DPYD: variants seen among roughly 807,000 people sequenced by gnomAD.
DPYD encodes dihydropyrimidine dehydrogenase [NADP(+)].
In DPYD, 109 loss-of-function variants were observed where a neutral mutation model predicts 116.2. The observed-to-expected ratio is 0.94, with a 90% CI of 0.80 to 1.10. The LOEUF (loss-of-function observed/expected upper bound fraction) is 1.10, where lower values mean the gene tolerates loss of function less well. Ranked by LOEUF, DPYD falls within the 50% of genes least tolerant of loss-of-function variation. The pLI, the probability that DPYD is intolerant of heterozygous loss-of-function variation, is 0.00. For synonymous variants in DPYD, 440 were observed against 432.0 expected (o/e 1.02, Z -0.23); for missense variants, 1,302 against 1,254.5 (o/e 1.04, Z -0.57).
At chr1:97,292,349 T>C (rs989251329) in intron 18 of DPYD, among the ~76,000 whole-genome samples, 4 of 152,120 alleles carry the variant, frequency 2.6e-5, no homozygotes, top group East Asian at 3.9e-4. Flanking sequence ...CTTACAATCA[T>C]GTCAGAACGG....
rs61789246 is a variant in DPYD, at chr1:97,584,198, C to T, written c.1128+9020G>A. On this transcript the variant is annotated intron_variant, in intron 10 of 22. Coordinates refer to ENST00000370192, the MANE Select transcript of DPYD (RefSeq NM_000110.4). ...AGCATTTTTTCATGTGTTTTTTGGC[C>T]GCATAAATGTCTTCTTTTGAGAAGT... Among the ~76,000 whole-genome samples, 1,483 of 151,168 alleles carry T rather than the reference C, an allele frequency of 9.8e-3. 14 individuals carry two copies. The highest frequency in any genetic ancestry group is 0.021 in the Middle Eastern group (6 of 292).
Position 97,704,650 on chromosome 1 carries a change from C to A in DPYD, c.484-5103G>T, listed in dbSNP as rs72734012. ...TATTAGGTCCAGTTACTTACAGTATCAAATTCCTAAGAGATTTTTTCTTAG... is the reference window on the plus strand; with the variant it reads ...TATTAGGTCCAGTTACTTACAGTATAAAATTCCTAAGAGATTTTTTCTTAG... On this transcript the variant is annotated intron_variant, in intron 5 of 22. Transcript: ENST00000370192. Among the ~76,000 whole-genome samples, 117 of 152,050 alleles carry A rather than the reference C, an allele frequency of 7.7e-4. 2 individuals carry two copies. The Middle Eastern group carries it at 0.01, about 13-fold the overall frequency.
intron 8 of DPYD, among the ~76,000 whole-genome samples, chr1:97,675,768 T>G (rs924229444): frequency 1.3e-5 from 2 of 149,892 alleles, no homozygotes; most frequent in East Asian, 3.9e-4. Context: ...TTTTTTTTTG[T>G]AGACGGAGTC....
intron 8 of DPYD, among the ~76,000 whole-genome samples, chr1:97,644,184 C>T (rs1206167478): frequency 1.3e-5 from 2 of 152,068 alleles, no homozygotes; most frequent in African/African-American, 4.8e-5. Context: ...CTACTGAGAA[C>T]CACAGAAAAC....
intron 20 of DPYD, among the ~76,000 whole-genome samples, chr1:97,158,304 G>C (rs1427420460): frequency 1.3e-5 from 2 of 151,914 alleles, no homozygotes; most frequent in Non-Finnish European, 2.9e-5. Flanking sequence ...AAACATTTAA[G>C]TCTTCAAATT....
At chr1:97,836,032 AT>A (rs1383692415) in intron 2 of DPYD, among the ~76,000 whole-genome samples, 1 of 152,164 alleles carries the variant, frequency 6.6e-6, no homozygotes, top group African/African-American at 2.4e-5. Flanking sequence ...AGGATAAAAA[AT>A]TTGATGTAAT....
At chr1:97,328,530 ATTTAC>A (rs1668821004) in intron 16 of DPYD, among the ~76,000 whole-genome samples, 1 of 152,138 alleles carries the variant, frequency 6.6e-6, no homozygotes, top group Non-Finnish European at 1.5e-5. Context: ...GAATTTACTC[ATTTAC>A]TTTTCCTTCA....
At chr1:97,872,399 T>A (rs762683783) in intron 2 of DPYD, among the ~76,000 whole-genome samples, 32 of 152,100 alleles carry the variant, frequency 2.1e-4, no homozygotes, top group South Asian at 1.0e-3. Context: ...GTAACAAGGC[T>A]GATGGCTGAC....
At chr1:97,682,625 G>A (rs1249570383) in intron 7 of DPYD, among the ~76,000 whole-genome samples, 1 of 152,104 alleles carries the variant, frequency 6.6e-6, no homozygotes, top group Non-Finnish European at 1.5e-5. Flanking sequence ...GACAACTACA[G>A]CTATCAGGAA....
At chr1:97,085,786 A>G (rs1280091705) in intron 21 of DPYD, among the ~76,000 whole-genome samples, 1 of 152,182 alleles carries the variant, frequency 6.6e-6, no homozygotes, top group Non-Finnish European at 1.5e-5. Flanking sequence ...CAGGGAACCC[A>G]TATTCATTAT....
intron 2 of DPYD, among the ~76,000 whole-genome samples, chr1:97,834,604 T>C (rs1198815275): frequency 6.6e-6 from 1 of 152,022 alleles, no homozygotes. Flanking sequence ...AATATTTAAA[T>C]AAAATGGCAC....
intron 13 of DPYD, among the ~76,000 whole-genome samples, chr1:97,505,543 G>A (rs1468716114): frequency 6.6e-6 from 1 of 151,498 alleles, no homozygotes; most frequent in Admixed American, 6.6e-5. Context: ...TAACATTTTA[G>A]TATTAAGTAA....
chr1:97,182,170 G>A lies in DPYD; in HGVS notation c.2622+10899C>T, dbSNP rs559222839. 4.6e-5 allele frequency among the ~76,000 whole-genome samples: 7 copies of A among 152,236 alleles called. No individual in the cohort carries two copies. In the East Asian group the frequency reaches 7.7e-4, roughly 17 times the overall value. ...TGAGATGATCAGAAGCTCAGAACAA[G>A]ATGGGGCTAACAAATTTTATCCAAC... On this transcript the variant is annotated intron_variant, in intron 20 of 22. Coordinates refer to ENST00000370192, the MANE Select transcript of DPYD (RefSeq NM_000110.4).
chr1:97,544,286 C>G (rs1258745255), intron 12 of DPYD, among the ~76,000 whole-genome samples: 1 of 152,134 alleles, frequency 6.6e-6, no homozygotes, highest in East Asian at 1.9e-4. Context: ...CGCTGCTTAG[C>G]ACTTTGCATC....
At chr1:97,534,455 T>C (rs1395556731) in intron 12 of DPYD, among the ~76,000 whole-genome samples, 2 of 152,142 alleles carry the variant, frequency 1.3e-5, no homozygotes, top group Non-Finnish European at 2.9e-5. Flanking sequence ...AAAAGTAAGC[T>C]GGTTATTGAA....
intron 19 of DPYD, among the ~76,000 whole-genome samples, chr1:97,200,662 C>T (rs184821203): frequency 1.3e-5 from 2 of 152,248 alleles, no homozygotes; most frequent in Admixed American, 6.5e-5. Context: ...TCAAAGCATG[C>T]TGTCAAAAAG....
intron 8 of DPYD, among the ~76,000 whole-genome samples, chr1:97,605,049 A>C (rs887785260): frequency 1.3e-5 from 2 of 152,124 alleles, no homozygotes; most frequent in Non-Finnish European, 2.9e-5. Flanking sequence ...TACCATATCC[A>C]AATGTCTTTT....
chr1:97,093,514 G>C (rs1332875639), intron 21 of DPYD, among the ~76,000 whole-genome samples: 2 of 152,148 alleles, frequency 1.3e-5, no homozygotes, highest in Admixed American at 6.6e-5. Flanking sequence ...ATTTGGTGCA[G>C]GCACCATGCT....
chr1:97,738,588 T>C lies in DPYD; in HGVS notation c.321+1804A>G, dbSNP rs1259044183. Among the ~76,000 whole-genome samples, 12 of 152,194 alleles carry C rather than the reference T, an allele frequency of 7.9e-5. No homozygotes were observed. In the East Asian group the frequency reaches 2.3e-3, roughly 29 times the overall value. Reference sequence around the variant, plus strand: ...CAAAGCAATGTGGGACAGCCTACATTGTACACAGCTGGTAAATATCTAAAA... The same window carrying C: ...CAAAGCAATGTGGGACAGCCTACATCGTACACAGCTGGTAAATATCTAAAA... On this transcript the variant is annotated intron_variant, in intron 4 of 22. Coordinates refer to ENST00000370192, the MANE Select transcript of DPYD (RefSeq NM_000110.4).
Sources: allele counts gnomAD v4.1 joint callset (sites outside exome capture counted in the v4.1 genomes callset), GRCh38; gene constraint gnomAD v4.1.1; transcripts MANE v1.5; gene names NCBI Gene and HGNC (gene_info 2026-07-23, HGNC 2026-07-21).